PLEKHA8: variants seen among roughly 807,000 people sequenced by gnomAD.
PLEKHA8 encodes the protein pleckstrin homology domain containing A8, also known as pleckstrin homology domain-containing family A member 8.
A neutral mutation model predicts 68.2 loss-of-function variants in PLEKHA8; 36 were observed. The ratio of observed to expected loss-of-function variants is 0.53; its 90% CI spans 0.40 to 0.70. PLEKHA8 has a LOEUF of 0.70. Ranked by LOEUF, PLEKHA8 falls within the 30% of genes least tolerant of loss-of-function variation. PLEKHA8 has a pLI of 0.00. For synonymous variants in PLEKHA8, 211 were observed against 216.1 expected (o/e 0.98, Z 0.20); for missense variants, 505 against 615.4 (o/e 0.82, Z 1.90).
downstream of PLEKHA8, among the ~76,000 whole-genome samples, chr7:30,092,048 C>T (rs1180078956): frequency 6.6e-6 from 1 of 152,158 alleles, no homozygotes; most frequent in African/African-American, 2.4e-5. Flanking sequence ...AACTAAGGAC[C>T]CTGTCTCTGT....
chr7:30,129,171 C>T lies in PLEKHA8; in HGVS notation c.1363-95C>T, dbSNP rs367744634. On this transcript the variant is annotated intron_variant, in intron 13 of 13. Transcript: ENST00000396257. ...TGAAAAACTACTGATACAAAGGAAA[C>T]AATAATATGTAACAGGAAGTTGCTG... 459 of 1,555,734 alleles carry T rather than the reference C, an allele frequency of 3.0e-4. 1 individual carries two copies. The African/African-American group carries it at 5.6e-3, about 19-fold the overall frequency.
intron 13 of PLEKHA8, among the ~76,000 whole-genome samples, chr7:30,112,215 G>T (rs1796295510): frequency 6.6e-6 from 1 of 152,086 alleles, no homozygotes; most frequent in Admixed American, 6.5e-5. Flanking sequence ...TTGACAGAAA[G>T]AGATGGAAAA....
chr7:30,058,310 T>C (rs191799406), intron 9 of PLEKHA8, among the ~76,000 whole-genome samples: 30 of 152,256 alleles, frequency 2.0e-4, no homozygotes, highest in Admixed American at 1.3e-4. Context: ...TCCAGTTTCT[T>C]CTTTTATACT....
chr7:30,049,456 C>T, intron 5 of PLEKHA8, 74 bp downstream of exon 5: 3 of 1,537,586 alleles, frequency 2.0e-6, no homozygotes, highest in Non-Finnish European at 1.8e-6. Flanking sequence ...GTTATGTTCT[C>T]TATTACCCTT....
At chr7:30,047,064 A>G (rs80174151) in intron 3 of PLEKHA8, among the ~76,000 whole-genome samples, 62 of 152,322 alleles carry the variant, frequency 4.1e-4, no homozygotes, top group Non-Finnish European at 6.3e-4. Flanking sequence ...GAAATGGGAA[A>G]AAGTGTTCCA....
In PLEKHA8 at chr7:30,028,772, G is replaced by T. The variant is rs556165908; in HGVS notation, c.10G>T (p.Val4Leu). ...AGTGGCCGCGGGCGCCATGGAGGGG[G>T]TGCTGTACAAGTGGACCAACTATCT... is the stretch of plus-strand genomic sequence containing the variant. MEGVLYKWTNYLSG... is the reference protein window; with the variant it reads MEGLLYKWTNYLSG... The change falls in exon 1 of 14, where the codon GTG becomes TTG. Residue 4 changes from valine (V) to leucine (L), a missense_variant. Physicochemically the swap from Val to Leu is conservative, Grantham distance 32. Coordinates refer to ENST00000449726, the MANE Select transcript of PLEKHA8 (RefSeq NM_001197026.2). 7.6e-5 allele frequency: 97 copies of T among 1,271,456 alleles called. No individual in the cohort carries two copies. The South Asian group carries it at 3.1e-3, about 41-fold the overall frequency. The allele number at this position is 1,271,456 out of a possible 1,614,324, so 78.8% of individuals were successfully genotyped here.
At chr7:30,115,991 T>C (rs1224855738) in intron 13 of PLEKHA8, 9 of 135,250 alleles carry the variant, frequency 6.7e-5, no homozygotes, top group Non-Finnish European at 8.1e-5. Flanking sequence ...CATGTATGCA[T>C]ACGCATACAT....
chr7:30,041,606 G>C (rs1163484236), intron 1 of PLEKHA8, among the ~76,000 whole-genome samples: 3 of 151,832 alleles, frequency 2.0e-5, no homozygotes, highest in Non-Finnish European at 4.4e-5. Context: ...TGTTGACTAG[G>C]CTGGTTTTGA....
chr7:30,124,485 A>G lies in PLEKHA8; in HGVS notation c.1363-4781A>G, dbSNP rs1796741489. ...AAGTGTGTTTTATTTGCCTTCGTTT[A>G]TAACACTTGAGTCAGAAAAGGAGCT... On this transcript the variant is annotated intron_variant, in intron 13 of 13. Transcript: ENST00000396257. Among the ~76,000 whole-genome samples, 3 of 152,224 alleles carry G rather than the reference A, an allele frequency of 2.0e-5. 1 individual carries two copies. Among genetic ancestry groups the G allele is most frequent in the African/African-American group, 7.2e-5 (3 of 41,478 alleles).
Position 30,028,624 on chromosome 7 carries a change from G to A in PLEKHA8, c.-139G>A. On this transcript the variant is annotated 5_prime_UTR_variant, in exon 1 of 14. Transcript: ENST00000449726. ...GCCGAGGATGTGAGGCGGGCCGGGCGTCCCCACACCGGGCCCGGGCGCCGG... is the reference window on the plus strand; with the variant it reads ...GCCGAGGATGTGAGGCGGGCCGGGCATCCCCACACCGGGCCCGGGCGCCGG... The A allele has an allele frequency of 1.8e-6, 1 of 561,408 alleles. No homozygotes were observed. The allele number at this position is 561,408 out of a possible 1,614,324, so 34.8% of individuals were successfully genotyped here.
chr7:30,129,852 C>A (rs1309068819), downstream of PLEKHA8: 1 of 156,772 alleles, frequency 6.4e-6, no homozygotes, highest in East Asian at 1.8e-4. Context: ...AATTTGAAGT[C>A]TTTCTAATGC....
At chr7:30,038,769 A>C (rs899671561) in intron 1 of PLEKHA8, among the ~76,000 whole-genome samples, 4 of 152,222 alleles carry the variant, frequency 2.6e-5, no homozygotes, top group Non-Finnish European at 5.9e-5. Context: ...GCTGAAAGAA[A>C]AATGAAGGGA....
intron 6 of PLEKHA8, among the ~76,000 whole-genome samples, chr7:30,051,139 A>G (rs1021540860): frequency 6.6e-6 from 1 of 152,136 alleles, no homozygotes; most frequent in African/African-American, 2.4e-5. Context: ...AGCTCAAGCA[A>G]TTCACCCGCC....
intron 1 of PLEKHA8, among the ~76,000 whole-genome samples, chr7:30,039,915 G>A (rs944598181): frequency 6.6e-6 from 1 of 152,152 alleles, no homozygotes; most frequent in African/African-American, 2.4e-5. Flanking sequence ...TTAGTACAAT[G>A]TTGACTAGAA....
intron 7 of PLEKHA8, among the ~76,000 whole-genome samples, chr7:30,053,547 G>A (rs1792587643): frequency 6.6e-6 from 1 of 152,194 alleles, no homozygotes; most frequent in African/African-American, 2.4e-5. Flanking sequence ...TGTATTCTTA[G>A]CTGTTAATCT....
Position 30,084,473 on chromosome 7 carries a change from G to A in PLEKHA8, c.*5686G>A. On this transcript the variant is annotated 3_prime_UTR_variant, in exon 14 of 14. Transcript: ENST00000449726. ...AATATAATATGTTGGAGCCTCTTGG[G>A]ACCAACCGATGAGCGACAGTTTCAT... 2.0e-6 allele frequency: 2 copies of A among 985,132 alleles called. No homozygotes were observed. The highest frequency in any genetic ancestry group is 2.4e-6 in the Non-Finnish European group (2 of 829,752). The allele number at this position is 985,132 out of a possible 1,614,324, so 61.0% of individuals were successfully genotyped here. A position where few individuals can be genotyped will look rare whatever the true frequency, so the allele number is the denominator to read the frequency against.
At position 30,115,846 on chromosome 7, in the gene PLEKHA8, G is replaced by GCA. The variant is rs1796470294; in HGVS notation, c.1363-13420_1363-13419insCA. ...CATGCGTGCACATACATGTATACAC[G>GCA]TATGCATACATACGTGCACATACAT... On this transcript the variant is annotated intron_variant, in intron 13 of 13. Coordinates refer to the PLEKHA8 transcript ENST00000396257. The GCA allele has an allele frequency of 4.7e-5, 7 of 148,338 alleles. 1 individual carries two copies. The highest frequency in any genetic ancestry group is 1.7e-4 in the African/African-American group (7 of 40,104). 9.2% of individuals were successfully genotyped at this position (148,338 alleles called of 1,614,324 possible). A position where few individuals can be genotyped will look rare whatever the true frequency, so the allele number is the denominator to read the frequency against.
At position 30,028,564 on chromosome 7, in the gene PLEKHA8, A is replaced by C; in HGVS notation, c.-199A>C. On this transcript the variant is annotated 5_prime_UTR_variant, in exon 1 of 14. Transcript: ENST00000449726. ...CGGGTTCACCGGCTGGCTGGGCTTCAAGCGCCGAGGCCGCCGCAGTGACCC... is the reference window on the plus strand; with the variant it reads ...CGGGTTCACCGGCTGGCTGGGCTTCCAGCGCCGAGGCCGCCGCAGTGACCC... 2.6e-6 allele frequency: 1 copy of C among 386,218 alleles called. No homozygotes were observed. Among genetic ancestry groups the C allele is most frequent in the Non-Finnish European group, 4.5e-6 (1 of 221,016 alleles). 23.9% of individuals were successfully genotyped at this position (386,218 alleles called of 1,614,324 possible).
intron 9 of PLEKHA8, among the ~76,000 whole-genome samples, chr7:30,056,743 G>GT (rs1554385603): frequency 9.5e-5 from 1 of 10,516 alleles, no homozygotes; most frequent in African/African-American, 2.6e-4. Flanking sequence ...AAAAAAAAAA[G>GT]TGTGTGTGTG....
Sources: gnomAD v4.1 joint callset for allele counts (sites outside exome capture counted in the v4.1 genomes callset) on GRCh38, gnomAD v4.1.1 for gene constraint, MANE v1.5 for transcripts, NCBI Gene and HGNC (gene_info 2026-07-23, HGNC 2026-07-21) for gene names.